The following CDKL5 variants were observed in gnomAD, a reference collection of about 807,000 sequenced individuals.
The protein encoded by CDKL5 is cyclin dependent kinase like 5.
Under a neutral mutation model 61.7 loss-of-function variants are expected in CDKL5, and 8 were observed. The ratio of observed to expected loss-of-function variants is 0.13; its 90% CI spans 0.08 to 0.23. The LOEUF is 0.23. CDKL5 is among the 10% of genes least tolerant of loss of function. The pLI, the probability that CDKL5 is intolerant of heterozygous loss-of-function variation, is 1.00. For synonymous variants in CDKL5, 275 were observed against 272.3 expected (o/e 1.01, Z -0.10); for missense variants, 440 against 734.5 (o/e 0.60, Z 4.63).
Position 18,647,235 on chromosome X carries a change from A to C in CDKL5, c.2797+1145A>C, listed in dbSNP as rs1927817828. On this transcript the variant is annotated intron_variant, in intron 20 of 21. Transcript: ENST00000379989. ...GCCGGGCCTTGTTTGCAGTCCACGA[A>C]GAATACCAGCCCACATACTGCTCCG... is the stretch of plus-strand genomic sequence containing the variant. 1 of 1,208,854 alleles carries C rather than the reference A, an allele frequency of 8.3e-7. No homozygotes were observed. Among genetic ancestry groups the C allele is most frequent in the African/African-American group, 1.8e-5 (1 of 56,812 alleles).
chrX:18,630,405 C>T lies in CDKL5; in HGVS notation c.*1648C>T. 1.3e-6 allele frequency: 1 copy of T among 750,486 alleles called. No individual in the cohort carries two copies. Among genetic ancestry groups the T allele is most frequent in the Non-Finnish European group, 1.6e-6 (1 of 636,942 alleles). The allele number at this position is 750,486 out of a possible 1,213,427, so 61.8% of individuals were successfully genotyped here. A position where few individuals can be genotyped will look rare whatever the true frequency, so the allele number is the denominator to read the frequency against. ...TCTGAGCAATAATACTTTTAAAGGT[C>T]CCTCCCACCCCTCAAAGAGATAACT... is the stretch of plus-strand genomic sequence containing the variant. On this transcript the variant is annotated 3_prime_UTR_variant, in exon 18 of 18. Transcript: ENST00000623535.
chrX:18,449,624 C>T (rs1353621418), intron 1 of CDKL5, among the ~76,000 whole-genome samples: 1 of 112,659 alleles, frequency 8.9e-6, no homozygotes, highest in Non-Finnish European at 1.9e-5. Context: ...TAATTTTTCT[C>T]TGTTGGCCAT....
At chrX:18,514,480 G>T (rs1922938312) in intron 3 of CDKL5, among the ~76,000 whole-genome samples, 1 of 110,968 alleles carries the variant, frequency 9.0e-6, no homozygotes, top group Non-Finnish European at 1.9e-5. Context: ...GCCAAGGTGG[G>T]CAGATCACCT....
intron 3 of CDKL5, among the ~76,000 whole-genome samples, chrX:18,527,909 C>A (rs1185919755): frequency 9.0e-6 from 1 of 111,424 alleles, no homozygotes; most frequent in Non-Finnish European, 1.9e-5. Context: ...TTTATTTAGT[C>A]CAAAATATTT....
At chrX:18,538,514 C>G (rs1027092859) in intron 3 of CDKL5, among the ~76,000 whole-genome samples, 2 of 111,145 alleles carry the variant, frequency 1.8e-5, no homozygotes, top group African/African-American at 3.3e-5. Context: ...GCCCTAGATC[C>G]TAAAGATTTT....
At chrX:18,645,873 T>C in intron 19 of CDKL5, 1 of 949,692 alleles carries the variant, frequency 1.1e-6, no homozygotes, top group Non-Finnish European at 1.5e-6. Context: ...TAGTCTCCCT[T>C]GCAACTAGAT....
chrX:18,576,595 C>T (rs1029139587), intron 5 of CDKL5, among the ~76,000 whole-genome samples: 2 of 109,679 alleles, frequency 1.8e-5, no homozygotes, highest in Non-Finnish European at 3.8e-5. Flanking sequence ...GCTTTGAATG[C>T]ATTCAGCCTT....
chrX:18,608,638 A>G (rs1363085332), intron 12 of CDKL5, among the ~76,000 whole-genome samples, 173 bp from the exon 13 acceptor site: 1 of 111,667 alleles, frequency 9.0e-6, no homozygotes, highest in African/African-American at 3.3e-5. Context: ...GTGAAATTTG[A>G]CTTATATTAC....
At position 18,631,433 on chromosome X, in the gene CDKL5, C is replaced by G; in HGVS notation, c.*2676C>G. On this transcript the variant is annotated 3_prime_UTR_variant, in exon 18 of 18. Coordinates refer to ENST00000623535, the MANE Select transcript of CDKL5 (RefSeq NM_001323289.2). ...CTCTTCCTGCTCACGGAGGGGGATG[C>G]AAAAGTTTTCTCTCACACCTAATGG... 1 of 754,029 alleles carries G rather than the reference C, an allele frequency of 1.3e-6. No individual in the cohort carries two copies. The highest frequency in any genetic ancestry group is 1.6e-6 in the Non-Finnish European group (1 of 638,992). The allele number at this position is 754,029 out of a possible 1,213,427, so 62.1% of individuals were successfully genotyped here.
intron 1 of CDKL5, among the ~76,000 whole-genome samples, chrX:18,459,860 A>G (rs1047309002): frequency 3.9e-5 from 4 of 102,334 alleles, no homozygotes; most frequent in African/African-American, 1.1e-4. Flanking sequence ...GCATGCCACC[A>G]CACCCAGCTA....
chrX:18,647,086 T>C, intron 20 of CDKL5: 1 of 962,841 alleles, frequency 1.0e-6, no homozygotes, highest in Admixed American at 2.3e-5. Flanking sequence ...CAGTTAATTT[T>C]TTGTATTTTT....
At chrX:18,641,351 G>A (rs1927568287), downstream of CDKL5, 2 of 113,651 alleles carry the variant, frequency 1.8e-5, no homozygotes, top group Non-Finnish European at 1.8e-5. Context: ...TGTTCATGAG[G>A]GTGGAAGCCC....
chrX:18,489,509 C>G (rs774478521), intron 1 of CDKL5, among the ~76,000 whole-genome samples: 1 of 110,815 alleles, frequency 9.0e-6, no homozygotes, highest in African/African-American at 3.3e-5. Flanking sequence ...CATAGGAAGC[C>G]TCTGCATAAT....
chrX:18,497,494 A>G (rs1302287612), intron 1 of CDKL5: 1 of 111,866 alleles, frequency 8.9e-6, no homozygotes, highest in Non-Finnish European at 1.9e-5. Flanking sequence ...GAGAGAGAAC[A>G]GTTAAACTTT....
At chrX:18,554,038 G>C (rs1161814910) in intron 3 of CDKL5, among the ~76,000 whole-genome samples, 1 of 108,237 alleles carries the variant, frequency 9.2e-6, no homozygotes, top group Non-Finnish European at 1.9e-5. Context: ...TTAATAGGCA[G>C]TTTTGCCAGG....
rs1443417673 is a variant in CDKL5 at position 18,633,855 on chromosome X, C to T, written c.*5098C>T. ...CTTTCTCCTCTCCGGGCACTGACCC[C>T]ACCTTTCCGTGTATTTACTGTAGGC... is the stretch of plus-strand genomic sequence containing the variant. On this transcript the variant is annotated 3_prime_UTR_variant, in exon 18 of 18. Transcript: ENST00000623535. 2 of 752,178 alleles carry T rather than the reference C, an allele frequency of 2.7e-6. No individual in the cohort carries two copies. Among genetic ancestry groups the T allele is most frequent in the African/African-American group, 4.6e-5 (2 of 43,067 alleles). 62.0% of individuals were successfully genotyped at this position (752,178 alleles called of 1,213,427 possible).
At position 18,597,796 on chromosome X, in the gene CDKL5, G is replaced by A. The variant is rs111786364; in HGVS notation, c.826-666G>A. Among the ~76,000 whole-genome samples, 972 of 109,269 alleles carry A rather than the reference G, an allele frequency of 8.9e-3. 6 individuals are homozygous for A. Among genetic ancestry groups the A allele is most frequent in the Middle Eastern group, 0.047 (10 of 215 alleles). 94.9% of individuals were successfully genotyped at this position (109,269 alleles called of 115,157 possible). On this transcript the variant is annotated intron_variant, in intron 10 of 17. Transcript: ENST00000623535. Reference sequence around the variant, plus strand: ...TTTTTAGTAGAGACGGGTTTTCACCGTGCTGGTCAGGCTGGTCTCGAACTC... The same window carrying A: ...TTTTTAGTAGAGACGGGTTTTCACCATGCTGGTCAGGCTGGTCTCGAACTC...
intron 1 of CDKL5, among the ~76,000 whole-genome samples, chrX:18,478,312 A>T (rs1602214318): frequency 1.4e-5 from 1 of 72,109 alleles, no homozygotes; most frequent in Non-Finnish European, 2.4e-5. Flanking sequence ...TTTGAGATGG[A>T]GTCTCACTCA....
intron 3 of CDKL5, among the ~76,000 whole-genome samples, chrX:18,528,237 A>ATTTTT (rs749197887): frequency 5.8e-5 from 4 of 68,420 alleles, no homozygotes; most frequent in Non-Finnish European, 1.1e-4. Context: ...ACCCATACTC[A>ATTTTT]TTTTTTTTTT....
Sources: gnomAD v4.1 joint callset for allele counts (sites outside exome capture counted in the v4.1 genomes callset) on GRCh38, gnomAD v4.1.1 for gene constraint, MANE v1.5 for transcripts, NCBI Gene and HGNC (gene_info 2026-07-23, HGNC 2026-07-21) for gene names.